The following MAP3K13 variants were observed in gnomAD, a reference collection of about 807,000 sequenced individuals.
The protein encoded by MAP3K13 is leucine zipper-bearing kinase.
MAP3K13 carries 52 observed loss-of-function variants against 104.0 expected under a neutral mutation model. The observed-to-expected ratio is 0.50, with a 90% CI of 0.40 to 0.63. The LOEUF (loss-of-function observed/expected upper bound fraction) is 0.63. Ranked by LOEUF, MAP3K13 falls within the 20% of genes least tolerant of loss-of-function variation. The probability of loss-of-function intolerance (pLI) is 0.00; values close to 1 mark genes in which losing one functional copy is unlikely to be tolerated. For synonymous variants in MAP3K13, 394 were observed against 442.2 expected (o/e 0.89, Z 1.37); for missense variants, 914 against 1,218.5 (o/e 0.75, Z 3.72).
chr3:185,465,867 T>A lies in MAP3K13; in HGVS notation c.1505+4T>A, dbSNP rs1350578245. 1 of 1,595,296 alleles carries A rather than the reference T, an allele frequency of 6.3e-7. No homozygotes were observed. The highest frequency in any genetic ancestry group is 1.7e-5 in the Admixed American group (1 of 59,982). On this transcript the variant is annotated splice_donor_region_variant and intron_variant, in intron 9 of 13. Coordinates refer to ENST00000265026, the MANE Select transcript of MAP3K13 (RefSeq NM_004721.5). ...TGCGGGAGAAGGAGCTCATTAAGTA[T>A]GTATCCAGACTAGTGTCTGTTCTTA...
rs200195548 is a variant in MAP3K13, at chr3:185,333,495, TA to T, written c.-86+47860del. 9.2e-3 allele frequency among the ~76,000 whole-genome samples: 1,392 copies of T among 152,118 alleles called. 27 individuals carry two copies. The highest frequency in any genetic ancestry group is 0.031 in the African/African-American group (1,305 of 41,506). On this transcript the variant is annotated intron_variant, in intron 2 of 14. Coordinates refer to the MAP3K13 transcript ENST00000424227. ...TGCATAAAAAACCTTATACAATCTA[TA>T]AAAAAAACTTGAACTAATTAATGAA...
At chr3:185,340,469 T>C (rs548650399) in intron 2 of MAP3K13, among the ~76,000 whole-genome samples, 103 of 152,226 alleles carry the variant, frequency 6.8e-4, no homozygotes, top group African/African-American at 2.4e-3. Flanking sequence ...CAGGAATGGC[T>C]TTAGGTACCA....
chr3:185,288,108 G>A (rs949672107), intron 2 of MAP3K13, among the ~76,000 whole-genome samples: 14 of 152,194 alleles, frequency 9.2e-5, no homozygotes, highest in African/African-American at 3.1e-4. Context: ...ATCATGAAGG[G>A]GAAATCAGTG....
rs1560117140 is a variant in MAP3K13, at chr3:185,454,649, T to TATATATGA, written c.1278+3254_1278+3255insATATATGA. Among the ~76,000 whole-genome samples, 225 of 93,306 alleles carry TATATATGA rather than the reference T, an allele frequency of 2.4e-3. 57 individuals are homozygous for TATATATGA. Among genetic ancestry groups the TATATATGA allele is most frequent in the South Asian group, 2.9e-3 (9 of 3,062 alleles). 61.2% of individuals were successfully genotyped at this position (93,306 alleles called of 152,430 possible). On this transcript the variant is annotated intron_variant, in intron 7 of 13. Coordinates refer to ENST00000265026, the MANE Select transcript of MAP3K13 (RefSeq NM_004721.5). ...GAGATATATATATGAGATATATATA[T>TATATATGA]GATATATATATGATATATATGAGAT...
rs1364635991 is a variant in MAP3K13 at position 185,423,495 on chromosome 3, A to T, written c.-85-5002A>T. Among the ~76,000 whole-genome samples the T allele has an allele frequency of 6.6e-6, 1 of 152,186 alleles. No homozygotes were observed. The highest frequency in any genetic ancestry group is 1.5e-5 in the Non-Finnish European group (1 of 68,024). ...ATCAGCCAGAAAGTATAATGAGGAG[A>T]TCAGTAATGTCAAAGCTCAGAGATG... On this transcript the variant is annotated intron_variant, in intron 1 of 13. Transcript: ENST00000265026. This position sits in a 1 kb window ranked among gnomAD's most constrained non-coding sequence, Gnocchi z 4.1.
chr3:185,355,456 A>G (rs1484621103), intron 2 of MAP3K13, among the ~76,000 whole-genome samples: 1 of 121,408 alleles, frequency 8.2e-6, no homozygotes. Context: ...GTCAGAGCGA[A>G]ACTCTGTCTC....
Position 185,488,079 on chromosome 3 carries a change from T to A in MAP3K13, c.*5623T>A, listed in dbSNP as rs779856707. The A allele has an allele frequency of 2.6e-5, 4 of 152,224 alleles. No homozygotes were observed. Among genetic ancestry groups the A allele is most frequent in the Non-Finnish European group, 4.4e-5 (3 of 68,036 alleles). 9.4% of individuals were successfully genotyped at this position (152,224 alleles called of 1,614,324 possible). A position where few individuals can be genotyped will look rare whatever the true frequency, so the allele number is the denominator to read the frequency against. On this transcript the variant is annotated 3_prime_UTR_variant, in exon 14 of 14. Transcript: ENST00000265026. ...CAAAATGTCTCTTCATTCACATCAT[T>A]TAATTCTGTTGAATGAATATGTTCC...
At chr3:185,379,850 C>T (rs990180720) in intron 1 of MAP3K13, among the ~76,000 whole-genome samples, 3 of 152,214 alleles carry the variant, frequency 2.0e-5, no homozygotes, top group East Asian at 1.9e-4. Context: ...AAGTGTGGTC[C>T]GGGGACCAGG....
At position 185,488,286 on chromosome 3, in the gene MAP3K13, A is replaced by G. The variant is rs1010787500; in HGVS notation, c.*5830A>G. The G allele has an allele frequency of 2.0e-5, 3 of 152,358 alleles. No homozygotes were observed. The highest frequency in any genetic ancestry group is 4.1e-4 in the South Asian group (2 of 4,830). 9.4% of individuals were successfully genotyped at this position (152,358 alleles called of 1,614,324 possible). A position where few individuals can be genotyped will look rare whatever the true frequency, so the allele number is the denominator to read the frequency against. ...TTCTTCTTTGCTGATTTCATAGGAC[A>G]AATATCCTAGCATACTCACACCACC... On this transcript the variant is annotated 3_prime_UTR_variant, in exon 14 of 14. Transcript: ENST00000265026.
At chr3:185,453,460 C>T (rs1300595920) in intron 7 of MAP3K13, among the ~76,000 whole-genome samples, 1 of 152,066 alleles carries the variant, frequency 6.6e-6, no homozygotes, top group Non-Finnish European at 1.5e-5. Context: ...CTGATGAAAA[C>T]AGTCCTGAAC....
intron 2 of MAP3K13, chr3:185,292,508 G>A (rs73887858): frequency 0.07 from 19,459 of 277,014 alleles, 889 homozygotes; most frequent in East Asian, 0.2. Flanking sequence ...CCTTAACTTC[G>A]TCATCTATAA....
intron 2 of MAP3K13, among the ~76,000 whole-genome samples, chr3:185,293,593 T>A (rs1317855825): frequency 1.3e-5 from 2 of 151,996 alleles, no homozygotes; most frequent in African/African-American, 4.8e-5. Flanking sequence ...CCCAGCTAAT[T>A]TTTGTATTTT....
At position 185,454,439 on chromosome 3, in the gene MAP3K13, G is replaced by C. The variant is rs1294740734; in HGVS notation, c.1278+3044G>C. Among the ~76,000 whole-genome samples the C allele has an allele frequency of 4.6e-5, 5 of 107,822 alleles. No individual in the cohort carries two copies. The East Asian group carries it at 1.3e-3, about 27-fold the overall frequency. The allele number at this position is 107,822 out of a possible 152,430, so 70.7% of individuals were successfully genotyped here. A position where few individuals can be genotyped will look rare whatever the true frequency, so the allele number is the denominator to read the frequency against. ...TATATGAGATATATATGATATATAT[G>C]AGATATATATATGAGATATATATGA... is the stretch of plus-strand genomic sequence containing the variant. On this transcript the variant is annotated intron_variant, in intron 7 of 13. Coordinates refer to ENST00000265026, the MANE Select transcript of MAP3K13 (RefSeq NM_004721.5).
intron 2 of MAP3K13, among the ~76,000 whole-genome samples, chr3:185,321,153 G>A (rs1053558739): frequency 1.4e-5 from 2 of 146,286 alleles, no homozygotes; most frequent in East Asian, 2.1e-4. Context: ...ACATATATGC[G>A]TGCACACACA....
chr3:185,413,040 C>G (rs1284140557), intron 1 of MAP3K13, among the ~76,000 whole-genome samples: 2 of 152,170 alleles, frequency 1.3e-5, no homozygotes, highest in Non-Finnish European at 2.9e-5. Flanking sequence ...AATTATTCCT[C>G]TGGTTCCTTT....
At chr3:185,415,084 C>T (rs1000439891) in intron 1 of MAP3K13, among the ~76,000 whole-genome samples, 14 of 152,116 alleles carry the variant, frequency 9.2e-5, no homozygotes, top group Non-Finnish European at 2.9e-5. Context: ...AGAGCAGAGC[C>T]AGTCTATTCT....
intron 1 of MAP3K13, among the ~76,000 whole-genome samples, chr3:185,409,209 A>T (rs1055229104): frequency 6.6e-6 from 1 of 152,126 alleles, no homozygotes; most frequent in African/African-American, 2.4e-5. Flanking sequence ...CTCTACCAAA[A>T]ATACAAAAAT....
intron 7 of MAP3K13, among the ~76,000 whole-genome samples, chr3:185,453,865 A>G (rs57606283): frequency 0.21 from 1,254 of 6,064 alleles, 78 homozygotes; most frequent in East Asian, 0.35. Context: ...ATATATATAT[A>G]TGATACATAT....
intron 2 of MAP3K13, among the ~76,000 whole-genome samples, chr3:185,300,912 C>T (rs150548505): frequency 1.3e-5 from 2 of 152,272 alleles, no homozygotes; most frequent in Non-Finnish European, 2.9e-5. Flanking sequence ...TGAACATGAG[C>T]GTGTGAATAT....
Sources: gnomAD v4.1 joint callset for allele counts (sites outside exome capture counted in the v4.1 genomes callset) on GRCh38, gnomAD v4.1.1 for gene constraint, Gnocchi (gnomAD v3.1) non-coding constraint, MANE v1.5 for transcripts, NCBI Gene and HGNC (gene_info 2026-07-23, HGNC 2026-07-21) for gene names.